The following GNAS variants were observed in gnomAD, a reference collection of about 807,000 sequenced individuals.
GNAS encodes the protein GNAS complex locus.
GNAS carries 8 observed loss-of-function variants against 54.5 expected under a neutral mutation model. The observed-to-expected ratio is 0.15, with a 90% CI of 0.09 to 0.26. The LOEUF is 0.26. Among genes scored for constraint, GNAS ranks in the 10% least tolerant of loss-of-function variants. The pLI, the probability that GNAS is intolerant of heterozygous loss-of-function variation, is 1.00. For synonymous variants in GNAS, 204 were observed against 191.4 expected (o/e 1.07, Z -0.54); for missense variants, 170 against 529.8 (o/e 0.32, Z 6.67).
At chr20:58,842,957 C>G (rs979308409) in intron 1 of GNAS, among the ~76,000 whole-genome samples, 1 of 152,120 alleles carries the variant, frequency 6.6e-6, no homozygotes, top group Non-Finnish European at 1.5e-5. Context: ...TTTAAAAGCC[C>G]TCCGTGTCGA....
At chr20:58,882,496 G>GA (rs898113027) in intron 1 of GNAS, among the ~76,000 whole-genome samples, 6 of 152,152 alleles carry the variant, frequency 3.9e-5, no homozygotes, top group African/African-American at 1.4e-4. Flanking sequence ...AGTTAATTGG[G>GA]AAAAAATTTG....
chr20:58,858,019 C>T, intron 1 of GNAS, among the ~76,000 whole-genome samples: 1 of 152,142 alleles, frequency 6.6e-6, no homozygotes, highest in Non-Finnish European at 1.5e-5. Context: ...TGTACCACTG[C>T]AGTTTGTCAA....
chr20:58,851,674 CCGCAG>C (rs1429519635), intron 1 of GNAS, among the ~76,000 whole-genome samples: 1 of 152,242 alleles, frequency 6.6e-6, no homozygotes, highest in Non-Finnish European at 1.5e-5. Flanking sequence ...TCTGAGCTCA[CCGCAG>C]CATGGTAGCG....
At chr20:58,890,421 G>A (rs1329904029), upstream of GNAS, among the ~76,000 whole-genome samples, 1 of 151,830 alleles carries the variant, frequency 6.6e-6, no homozygotes. Context: ...GCGCGTTGGG[G>A]GCATCGTGTG....
intron 1 of GNAS, among the ~76,000 whole-genome samples, chr20:58,879,130 C>T (rs917060254): frequency 1.2e-4 from 19 of 152,124 alleles, no homozygotes; most frequent in African/African-American, 3.6e-4. Context: ...GTGATTGTAA[C>T]GTCGGAAGAA....
upstream of GNAS, among the ~76,000 whole-genome samples, chr20:58,888,096 T>C (rs539351672): frequency 5.9e-5 from 9 of 152,372 alleles, no homozygotes; most frequent in South Asian, 1.9e-3. Flanking sequence ...CATTTATAGG[T>C]AGACTTTTCT....
chr20:58,891,293 T>G (rs1340331974), upstream of GNAS: 2 of 139,238 alleles, frequency 1.4e-5, no homozygotes, highest in African/African-American at 5.3e-5. Context: ...TCCTCCTCCT[T>G]CCACCCCCCT....
intron 1 of GNAS, among the ~76,000 whole-genome samples, chr20:58,865,411 T>C (rs2086998597): frequency 6.7e-6 from 1 of 148,368 alleles, no homozygotes; most frequent in South Asian, 2.1e-4. Context: ...AGAGCAAAAC[T>C]CCATCTCAAA....
chr20:58,855,267 C>G (rs1486218423), intron 1 of GNAS: 2 of 1,587,342 alleles, frequency 1.3e-6, no homozygotes, highest in Non-Finnish European at 8.6e-7. Flanking sequence ...ACGCAGTAAG[C>G]TCATCGACAA....
chr20:58,840,676 A>G (rs772869359), upstream of GNAS: 17 of 1,604,670 alleles, frequency 1.1e-5, no homozygotes, highest in African/African-American at 2.3e-4. This position sits in a 1 kb window ranked among gnomAD's most constrained non-coding sequence, Gnocchi z 6.0. Context: ...GCCCCAGGGA[A>G]GGGGAGGAGC....
chr20:58,909,008 G>A lies in GNAS; in HGVS notation c.531-154G>A, dbSNP rs548526752. The A allele has an allele frequency of 5.2e-5, 40 of 769,084 alleles. No homozygotes were observed. The highest frequency in any genetic ancestry group is 5.1e-4 in the African/African-American group (30 of 59,142). 47.6% of individuals were successfully genotyped at this position (769,084 alleles called of 1,614,324 possible). A position where few individuals can be genotyped will look rare whatever the true frequency, so the allele number is the denominator to read the frequency against. ...AAGGCATCAGCTTTGAGTTACAAAT[G>A]TAACCAACACACAAGCAAATGTGCC... On this transcript the variant is annotated intron_variant, in intron 6 of 12. Coordinates refer to ENST00000371085, the MANE Select transcript of GNAS (RefSeq NM_000516.7). This position sits in a 1 kb window ranked among gnomAD's most constrained non-coding sequence, Gnocchi z 7.3.
intron 1 of GNAS, chr20:58,876,693 A>C (rs1167249742): frequency 6.6e-6 from 1 of 152,174 alleles, no homozygotes; most frequent in African/African-American, 2.4e-5. Context: ...AGGCGTTTGG[A>C]TTTTACCCTC....
intron 2 of GNAS, chr20:58,897,942 C>T (rs1009050978): frequency 6.6e-6 from 1 of 152,216 alleles, no homozygotes; most frequent in Non-Finnish European, 1.5e-5. Flanking sequence ...CCTCCCTGAT[C>T]TTGCGTTTTG....
chr20:58,887,009 G>C (rs1451119560), upstream of GNAS, among the ~76,000 whole-genome samples: 1 of 152,232 alleles, frequency 6.6e-6, no homozygotes, highest in East Asian at 1.9e-4. Flanking sequence ...TAGGACAATA[G>C]TCCCAATTGT....
rs1223801287 is a variant in GNAS, at chr20:58,891,665, T to C, written c.-62T>C. 3.1e-6 allele frequency: 3 copies of C among 957,076 alleles called. No individual in the cohort carries two copies. The highest frequency in any genetic ancestry group is 3.7e-6 in the Non-Finnish European group (3 of 818,520). 59.3% of individuals were successfully genotyped at this position (957,076 alleles called of 1,614,324 possible). A position where few individuals can be genotyped will look rare whatever the true frequency, so the allele number is the denominator to read the frequency against. ...GCTGCCCCGGCCCTCCCGGCCCGCGTGAGGCCGCCCGCGCCCGCCGCCGCC... is the reference window on the plus strand; with the variant it reads ...GCTGCCCCGGCCCTCCCGGCCCGCGCGAGGCCGCCCGCGCCCGCCGCCGCC... On this transcript the variant is annotated 5_prime_UTR_variant, in exon 1 of 13. Transcript: ENST00000371085.
chr20:58,847,550 C>A (rs1438187440), intron 1 of GNAS, among the ~76,000 whole-genome samples: 1 of 152,236 alleles, frequency 6.6e-6, no homozygotes, highest in African/African-American at 2.4e-5. Context: ...TGCCTAAATT[C>A]TTTTCTACCT....
At chr20:58,890,934 A>G (rs1282120890), upstream of GNAS, 1 of 151,356 alleles carries the variant, frequency 6.6e-6, no homozygotes, top group Non-Finnish European at 1.5e-5. Flanking sequence ...AATTTTCCTA[A>G]GTCCGGGCGC....
chr20:58,855,767 CT>C (rs1246092239), intron 1 of GNAS: 1 of 617,332 alleles, frequency 1.6e-6, no homozygotes, highest in Middle Eastern at 4.3e-4. Flanking sequence ...GGCACGGCTG[CT>C]TGGACTCAGA....
chr20:58,897,508 C>T (rs943617081), intron 2 of GNAS: 1 of 152,190 alleles, frequency 6.6e-6, no homozygotes, highest in South Asian at 2.1e-4. Context: ...TAGCTTGAGT[C>T]GGATGGAAGC....
Sources: gnomAD v4.1 joint callset for allele counts (sites outside exome capture counted in the v4.1 genomes callset) on GRCh38, gnomAD v4.1.1 for gene constraint, Gnocchi (gnomAD v3.1) non-coding constraint, MANE v1.5 for transcripts, NCBI Gene and HGNC (gene_info 2026-07-23, HGNC 2026-07-21) for gene names.